Variants in E2F8 observed in about 807,000 individuals in gnomAD.
E2F8 encodes transcription factor E2F8.
In E2F8, 35 loss-of-function variants were observed where a neutral mutation model predicts 80.8. The ratio of observed to expected loss-of-function variants is 0.43; its 90% CI spans 0.33 to 0.57. The LOEUF is 0.57. Ranked by LOEUF, E2F8 falls within the 20% of genes least tolerant of loss-of-function variation. E2F8 has a pLI of 0.04. For synonymous variants in E2F8, 386 were observed against 395.0 expected (o/e 0.98, Z 0.27); for missense variants, 975 against 1,056.2 (o/e 0.92, Z 1.07).
chr11:19,229,584 C>T lies in E2F8; in HGVS notation c.1763G>A (p.Arg588Lys). Residue 588 changes from arginine to lysine, a missense_variant, in exon 10 of 13, where the codon AGG (arginine) becomes AAG (lysine). By Grantham distance (26) the Arg-to-Lys change is conservative. Coordinates refer to ENST00000250024, the MANE Select transcript of E2F8 (RefSeq NM_024680.4). The surrounding 1 kb of genome is among the most constrained non-coding windows in gnomAD (Gnocchi z 4.3). Reference sequence around the variant, plus strand: ...CCTGGTTCGGCTCTTTGCCCCTTGCCTCTCTGGTGCTGGCAGCAAGCTTCC... The same window carrying T: ...CCTGGTTCGGCTCTTTGCCCCTTGCTTCTCTGGTGCTGGCAGCAAGCTTCC... Reference protein sequence around the residue: ...RPGSLLPAPERQGAKSRTREP... With the variant: ...RPGSLLPAPEKQGAKSRTREP... 2 of 1,614,222 alleles carry T rather than the reference C, an allele frequency of 1.2e-6. No individual in the cohort carries two copies. The highest frequency in any genetic ancestry group is 8.5e-7 in the Non-Finnish European group (1 of 1,180,054).
intron 5 of E2F8, 83 bp downstream of exon 5, chr11:19,234,661 T>C: frequency 3.9e-6 from 6 of 1,534,314 alleles, no homozygotes; most frequent in Non-Finnish European, 5.3e-6. Flanking sequence ...GCAGTAGCTT[T>C]AGAGCTGTGT....
At chr11:19,233,357 A>G (rs2133569321) in intron 6 of E2F8, among the ~76,000 whole-genome samples, 1 of 152,346 alleles carries the variant, frequency 6.6e-6, no homozygotes, top group East Asian at 1.9e-4. Context: ...CCTGTGCTGC[A>G]GGTCACTTCT....
chr11:19,237,614 G>A, intron 3 of E2F8, 144 bp from the exon 4 acceptor site: 1 of 1,059,870 alleles, frequency 9.4e-7, no homozygotes, highest in Non-Finnish European at 1.3e-6. Context: ...AAAGGTTAGG[G>A]GGGCCAGTAC....
At position 19,237,261 on chromosome 11, in the gene E2F8, C is replaced by G. The variant is rs974057996; in HGVS notation, c.451+53G>C. The G allele has an allele frequency of 4.4e-6, 7 of 1,577,684 alleles. No homozygotes were observed. The African/African-American group carries it at 9.5e-5, about 21-fold the overall frequency. ...GAGCGGGGGTCTGAAGGAGTTAAGT[C>G]CATAAAGCCACTTTAATTATTAATT... On this transcript the variant is annotated intron_variant, in intron 4 of 12. Coordinates refer to ENST00000250024, the MANE Select transcript of E2F8 (RefSeq NM_024680.4).
intron 2 of E2F8, 49 bp downstream of exon 2, chr11:19,240,058 T>C: frequency 6.9e-7 from 1 of 1,440,970 alleles, no homozygotes; most frequent in Non-Finnish European, 9.3e-7. Flanking sequence ...TAAATCAGGA[T>C]GATACTGAAT....
rs140276845 is a variant in E2F8 at position 19,229,718 on chromosome 11, C to A, written c.1629G>T (p.Thr543=). Residue 543 remains threonine, a synonymous_variant, in exon 10 of 13, where the codon ACG becomes ACT. Transcript: ENST00000250024. This position sits in a 1 kb window ranked among gnomAD's most constrained non-coding sequence, Gnocchi z 4.3. ...CTTTAGAAGAGTGGGTGGTGCACAC[C>A]GTTGGGCTCAGGCCTTGGGGTGGCG... is the stretch of plus-strand genomic sequence containing the variant. ...SVTPPQGLSP[T]VCTTHSSKAT... 1 of 1,614,082 alleles carries A rather than the reference C, an allele frequency of 6.2e-7. No homozygotes were observed. The highest frequency in any genetic ancestry group is 2.2e-5 in the East Asian group (1 of 44,876).
Position 19,225,416 on chromosome 11 carries a change from T to A in E2F8, c.2226A>T (p.Gly742=). ...AIVNFTLQHL[G]LISPNVQLSA... ...ACAACTGCACATTGGGTGAGATGAG[T>A]CCCAGGTGCTGCAGGGTGAAGTTTA... Residue 742 remains glycine, a synonymous_variant, in exon 12 of 13, where the codon GGA becomes GGT. Transcript: ENST00000250024. The A allele has an allele frequency of 6.2e-7, 1 of 1,614,094 alleles. No individual in the cohort carries two copies. The highest frequency in any genetic ancestry group is 1.1e-5 in the South Asian group (1 of 91,076).
intron 11 of E2F8, 56 bp downstream of exon 11, chr11:19,225,676 G>A: frequency 6.2e-7 from 1 of 1,611,238 alleles, no homozygotes; most frequent in Non-Finnish European, 8.5e-7. Flanking sequence ...AAGTTGACAA[G>A]GCTTAAGTGA....
rs1667129966 is a variant in E2F8 at position 19,240,153 on chromosome 11, A to C, written c.-32T>G. 6.8e-7 allele frequency: 1 copy of C among 1,460,702 alleles called. No homozygotes were observed. The highest frequency in any genetic ancestry group is 9.2e-7 in the Non-Finnish European group (1 of 1,091,680). The allele number at this position is 1,460,702 out of a possible 1,614,324, so 90.5% of individuals were successfully genotyped here. A position where few individuals can be genotyped will look rare whatever the true frequency, so the allele number is the denominator to read the frequency against. On this transcript the variant is annotated 5_prime_UTR_variant, in exon 2 of 13. Coordinates refer to ENST00000250024, the MANE Select transcript of E2F8 (RefSeq NM_024680.4). ...AATTCCTCATACATTTAGAGTTTAA[A>C]AATGAAAAATCTGGAGTTCCTCCCC...
Position 19,234,532 on chromosome 11 carries a change from G to C in E2F8, c.767-11C>G. 2.5e-6 allele frequency: 4 copies of C among 1,611,546 alleles called. No homozygotes were observed. The highest frequency in any genetic ancestry group is 3.4e-6 in the Non-Finnish European group (4 of 1,179,408). On this transcript the variant is annotated splice_polypyrimidine_tract_variant and intron_variant, in intron 5 of 12. Coordinates refer to ENST00000250024, the MANE Select transcript of E2F8 (RefSeq NM_024680.4). ...GGCTGTTTACAGAAGCTTTAGAGAA[G>C]GATGAGGATTAGAGAATTAAAATTC...
chr11:19,237,584 T>G, intron 3 of E2F8, 114 bp from the exon 4 acceptor site: 1 of 1,201,998 alleles, frequency 8.3e-7, no homozygotes, highest in Non-Finnish European at 1.2e-6. Flanking sequence ...CTTCAACAGC[T>G]GCAAAGTCTG....
intron 6 of E2F8, among the ~76,000 whole-genome samples, chr11:19,233,619 C>G (rs1851435157): frequency 1.3e-5 from 2 of 152,002 alleles, no homozygotes; most frequent in Non-Finnish European, 2.9e-5. Flanking sequence ...TCCTGAGTAA[C>G]TGGGACTACA....
At chr11:19,232,467 T>A in intron 6 of E2F8, 96 bp from the exon 7 acceptor site, 1 of 1,010,680 alleles carries the variant, frequency 9.9e-7, no homozygotes, top group Non-Finnish European at 1.4e-6. Flanking sequence ...AGAGCTGTCT[T>A]AACCATCAAT....
chr11:19,240,504 G>C (rs1166745399), intron 1 of E2F8, 44 bp downstream of exon 1: 1 of 158,166 alleles, frequency 6.3e-6, no homozygotes, highest in Non-Finnish European at 1.4e-5. Context: ...TAGAAAAGGC[G>C]AGCCATTCTC....
upstream of E2F8, chr11:19,241,320 G>GGCCGCC (rs537182589): frequency 4.8e-4 from 75 of 156,014 alleles, 2 homozygotes; most frequent in African/African-American, 6.5e-4. The surrounding 1 kb of genome is among the most constrained non-coding windows in gnomAD (Gnocchi z 4.5). Context: ...GGCGGGAAAC[G>GGCCGCC]GCCGCCGCCG....
At chr11:19,235,304 G>A (rs886365814) in intron 4 of E2F8, among the ~76,000 whole-genome samples, 1 of 152,198 alleles carries the variant, frequency 6.6e-6, no homozygotes, top group Non-Finnish European at 1.5e-5. Context: ...ACAGCTTTAG[G>A]AAGTTTTCAC....
chr11:19,239,057 A>T (rs1480881825), intron 2 of E2F8, among the ~76,000 whole-genome samples: 1 of 152,222 alleles, frequency 6.6e-6, no homozygotes, highest in African/African-American at 2.4e-5. Context: ...ATCTTTATCT[A>T]TTTTAAAGAA....
chr11:19,225,810 C>A lies in E2F8; in HGVS notation c.1948G>T (p.Ala650Ser), dbSNP rs1348787813. ...IPLTQCSSLG[A>S]ESILSGKENS... is the part of the protein sequence containing the mutation. ...TCTTTACCAGACAAAATGGACTCTGCCCCCAGGGATGAGCACTGCGTGAGA... is the reference window on the plus strand; with the variant it reads ...TCTTTACCAGACAAAATGGACTCTGACCCCAGGGATGAGCACTGCGTGAGA... Residue 650 changes from alanine (A) to serine (S), a missense_variant, in exon 11 of 13, where the codon GCA becomes TCA. By Grantham distance (99) the Ala-to-Ser change is moderately conservative. Coordinates refer to ENST00000250024, the MANE Select transcript of E2F8 (RefSeq NM_024680.4). 3.7e-6 allele frequency: 6 copies of A among 1,614,118 alleles called. No individual in the cohort carries two copies. The highest frequency in any genetic ancestry group is 5.1e-6 in the Non-Finnish European group (6 of 1,180,022).
At position 19,234,750 on chromosome 11, in the gene E2F8, G is replaced by A. The variant is rs372105528; in HGVS notation, c.760C>T (p.Arg254Trp). The A allele has an allele frequency of 6.2e-6, 10 of 1,609,238 alleles. No individual in the cohort carries two copies. The African/African-American group carries it at 9.4e-5, about 15-fold the overall frequency. The change falls in exon 5 of 13, where the codon CGG (arginine) becomes TGG (tryptophan). Residue 254 changes from arginine to tryptophan, a missense_variant. Arg to Trp is a moderately radical substitution (Grantham distance 101). Transcript: ENST00000250024. ...TTTCACTACCATCTCTCACCTGCCC[G>A]AAATTCCACTCCAGGGAGTTCCACA... ...CFVELPGVEF[R>W]AASVNSRKDK...
Sources: allele counts gnomAD v4.1 joint callset (sites outside exome capture counted in the v4.1 genomes callset), GRCh38; gene constraint gnomAD v4.1.1; non-coding constraint Gnocchi (gnomAD v3.1); transcripts MANE v1.5; gene names NCBI Gene and HGNC (gene_info 2026-07-23, HGNC 2026-07-21).